MOCOS: variants seen among roughly 807,000 people sequenced by gnomAD.
MOCOS encodes the protein human molybdenum cofactor sulfurase.
In MOCOS, 86 loss-of-function variants were observed where a neutral mutation model predicts 83.6. The ratio of observed to expected loss-of-function variants is 1.03; its 90% confidence interval spans 0.86 to 1.23. MOCOS has a LOEUF of 1.23. Ranked by LOEUF, MOCOS falls within the 50% of genes most tolerant of loss-of-function variation. The pLI is 0.00. For missense variants in MOCOS, 1,120 were observed against 1,126.9 expected, an observed-to-expected ratio of 0.99 and a Z score of 0.09; for synonymous variants, 445 against 434.7, an observed-to-expected ratio of 1.02 and a Z score of -0.29.
intron 9 of MOCOS, among the ~76,000 whole-genome samples, chr18:36,220,521 G>T (rs1264796165): frequency 1.3e-5 from 2 of 151,916 alleles, no homozygotes; most frequent in Admixed American, 6.6e-5. Flanking sequence ...GGGAAAAAAT[G>T]GGTAAAATAA....
At chr18:36,210,223 G>A (rs1277681142) in intron 6 of MOCOS, among the ~76,000 whole-genome samples, 1 of 152,112 alleles carries the variant, frequency 6.6e-6, no homozygotes, top group Non-Finnish European at 1.5e-5. Context: ...ATTTCCCAAG[G>A]AATCTTTTTC....
intron 3 of MOCOS, among the ~76,000 whole-genome samples, chr18:36,199,110 G>T (rs1181989016): frequency 6.6e-6 from 1 of 152,112 alleles, no homozygotes; most frequent in Non-Finnish European, 1.5e-5. Flanking sequence ...CTTTTCATAA[G>T]AAGTTTTATT....
intron 7 of MOCOS, among the ~76,000 whole-genome samples, chr18:36,215,106 G>C (rs986244100): frequency 6.6e-6 from 1 of 152,224 alleles, no homozygotes; most frequent in African/African-American, 2.4e-5. Flanking sequence ...TCAGTAATGA[G>C]AGGCTAACGA....
chr18:36,249,089 T>A, intron 10 of MOCOS, 89 bp downstream of exon 10: 1 of 1,120,840 alleles, frequency 8.9e-7, no homozygotes, highest in Non-Finnish European at 1.3e-6. Flanking sequence ...AATCTATCCT[T>A]TGCTACCCTT....
chr18:36,205,314 T>A, intron 6 of MOCOS, 38 bp downstream of exon 6: 1 of 1,576,668 alleles, frequency 6.3e-7, no homozygotes, highest in Non-Finnish European at 8.7e-7. Flanking sequence ...TTATTACAAC[T>A]CATCCTAGTT....
chr18:36,266,260 T>C (rs958645544), intron 13 of MOCOS, among the ~76,000 whole-genome samples: 7 of 152,050 alleles, frequency 4.6e-5, no homozygotes, highest in African/African-American at 1.7e-4. Flanking sequence ...CTCAGCCTCC[T>C]GGGTAGATGG....
At chr18:36,201,243 T>C (rs550142537) in intron 4 of MOCOS, among the ~76,000 whole-genome samples, 131 of 152,290 alleles carry the variant, frequency 8.6e-4, no homozygotes, top group Non-Finnish European at 1.4e-3. Flanking sequence ...GCCTTGACGA[T>C]AGAGTCAGTG....
At chr18:36,232,855 T>TACACACACACACACACAC (rs71168208) in intron 9 of MOCOS, among the ~76,000 whole-genome samples, 137 of 147,926 alleles carry the variant, frequency 9.3e-4, no homozygotes, top group Non-Finnish European at 1.1e-3. Flanking sequence ...AATATTCCAT[T>TACACACACACACACACAC]ACACACACAC....
At chr18:36,219,719 AAAAG>A (rs1438159337) in intron 8 of MOCOS, among the ~76,000 whole-genome samples, 1 of 152,122 alleles carries the variant, frequency 6.6e-6, no homozygotes, top group Non-Finnish European at 1.5e-5. Context: ...AAACAGCAAA[AAAAG>A]AGCAATGGCT....
intron 9 of MOCOS, among the ~76,000 whole-genome samples, chr18:36,245,632 C>T (rs1027063596): frequency 7.2e-5 from 11 of 152,084 alleles, no homozygotes; most frequent in African/African-American, 2.4e-4. Context: ...ATGAATTTCC[C>T]AGGTGTTCTT....
At chr18:36,250,108 A>G (rs894132443) in intron 10 of MOCOS, among the ~76,000 whole-genome samples, 34 of 152,318 alleles carry the variant, frequency 2.2e-4, no homozygotes, top group African/African-American at 6.7e-4. Flanking sequence ...TGGGAAATTT[A>G]TCCTATCTTA....
At chr18:36,260,283 T>A (rs1472894453) in intron 13 of MOCOS, 108 bp downstream of exon 13, 13 of 1,422,448 alleles carry the variant, frequency 9.1e-6, no homozygotes, top group African/African-American at 1.4e-5. Context: ...AGTCCTTGTC[T>A]CTTAACTACA....
At chr18:36,229,190 G>C (rs1403541792) in intron 9 of MOCOS, among the ~76,000 whole-genome samples, 1 of 151,926 alleles carries the variant, frequency 6.6e-6, no homozygotes, top group African/African-American at 2.4e-5. Flanking sequence ...TTGTTGTTTA[G>C]TGTCCTATAG....
At chr18:36,254,013 G>A (rs2091631797) in intron 11 of MOCOS, among the ~76,000 whole-genome samples, 1 of 152,192 alleles carries the variant, frequency 6.6e-6, no homozygotes, top group African/African-American at 2.4e-5. Flanking sequence ...CTGTCCTGGT[G>A]GGAGATGGGG....
At chr18:36,189,789 T>C (rs2091357831) in intron 1 of MOCOS, 1 of 152,184 alleles carries the variant, frequency 6.6e-6, no homozygotes, top group Non-Finnish European at 1.5e-5. Flanking sequence ...TCTGATGCCA[T>C]TTAACTTTGG....
chr18:36,212,967 G>T (rs1416924648), intron 6 of MOCOS, among the ~76,000 whole-genome samples: 2 of 152,154 alleles, frequency 1.3e-5, no homozygotes, highest in Non-Finnish European at 2.9e-5. Context: ...GCCTTCAGAG[G>T]GCAGGAAAGA....
In MOCOS at chr18:36,269,971, G is replaced by A. The variant is rs892835852; in HGVS notation, c.*1286G>A. On this transcript the variant is annotated 3_prime_UTR_variant, in exon 15 of 15. Coordinates refer to ENST00000261326, the MANE Select transcript of MOCOS (RefSeq NM_017947.4). ...CATTATCACATTTGTAGGACTTTGT[G>A]TTGTTCCCAGCACTAGGTGAGATTT... is the stretch of plus-strand genomic sequence containing the variant. 2 of 152,240 alleles carry A rather than the reference G, an allele frequency of 1.3e-5. No homozygotes were observed. Among genetic ancestry groups the A allele is most frequent in the Admixed American group, 6.5e-5 (1 of 15,284 alleles). 9.4% of individuals were successfully genotyped at this position (152,240 alleles called of 1,614,324 possible).
At chr18:36,200,645 C>T (rs1270020926) in intron 4 of MOCOS, among the ~76,000 whole-genome samples, 2 of 152,158 alleles carry the variant, frequency 1.3e-5, no homozygotes, top group Non-Finnish European at 2.9e-5. Context: ...AGGCCTCTGC[C>T]CTCAGCACTG....
At chr18:36,214,269 A>AG (rs1568054424) in intron 7 of MOCOS, among the ~76,000 whole-genome samples, 11 of 8,874 alleles carry the variant, frequency 1.2e-3, no homozygotes, top group Non-Finnish European at 0.011. Flanking sequence ...AAAAGAAAAG[A>AG]AAAAAAAGAA....
Sources: allele counts gnomAD v4.1 joint callset (sites outside exome capture counted in the v4.1 genomes callset), GRCh38; gene constraint gnomAD v4.1.1; transcripts MANE v1.5; gene names NCBI Gene and HGNC (gene_info 2026-07-23, HGNC 2026-07-21).